CIMAP3: variants seen among roughly 807,000 people sequenced by gnomAD.
CIMAP3 encodes the protein ciliary microtubule associated protein 3.
the CIMAP3 span, chr1:111,348,739 A>T: frequency 8.1e-7 from 1 of 1,239,292 alleles, no homozygotes; most frequent in East Asian, 2.5e-5. Context: ...AAGGGATGAC[A>T]TCCAAACCAT....
At chr1:111,346,571 G>A in the CIMAP3 span, 2 of 1,601,306 alleles carry the variant, frequency 1.2e-6, no homozygotes, top group Non-Finnish European at 1.7e-6. Flanking sequence ...CCCCCTCCCC[G>A]CGCTCCGCAG....
chr1:111,347,794 G>A, the CIMAP3 span: 1 of 1,543,602 alleles, frequency 6.5e-7, no homozygotes, highest in Middle Eastern at 1.7e-4. Context: ...GGATTTTAGT[G>A]TTATCCACGT....
the CIMAP3 span, chr1:111,346,782 G>A: frequency 1.9e-6 from 3 of 1,562,650 alleles, no homozygotes; most frequent in South Asian, 3.3e-5. Flanking sequence ...CCAGGAGTTT[G>A]GCGTGGTTTT....
the CIMAP3 span, among the ~76,000 whole-genome samples, chr1:111,338,978 C>T: frequency 6.6e-6 from 1 of 152,276 alleles, no homozygotes; most frequent in Non-Finnish European, 1.5e-5. Flanking sequence ...AAACCAAATC[C>T]AGCAGCACAT....
At chr1:111,335,161 A>T in the CIMAP3 span, among the ~76,000 whole-genome samples, 29,208 of 126,828 alleles carry the variant, frequency 0.23, 4,046 homozygotes, top group South Asian at 0.33. Flanking sequence ...AAAGACAGAA[A>T]AAAAAAGAAA....
the CIMAP3 span, chr1:111,350,087 C>T: frequency 6.3e-7 from 1 of 1,581,932 alleles, no homozygotes; most frequent in South Asian, 1.1e-5. Flanking sequence ...AGACATGATG[C>T]TTGTATTTTT....
chr1:111,346,734 G>A, the CIMAP3 span: 2,586 of 1,589,158 alleles, frequency 1.6e-3, 31 homozygotes, highest in African/African-American at 0.028. Flanking sequence ...GGGGAAGCTG[G>A]GAAAGACGAA....
At chr1:111,338,105 A>C in the CIMAP3 span, among the ~76,000 whole-genome samples, 1 of 150,300 alleles carries the variant, frequency 6.7e-6, no homozygotes, top group Admixed American at 6.6e-5. Flanking sequence ...TACTGGGTAC[A>C]TAACGAAATG....
chr1:111,334,278 C>G, the CIMAP3 span, among the ~76,000 whole-genome samples: 1 of 152,042 alleles, frequency 6.6e-6, no homozygotes, highest in Admixed American at 6.5e-5. Flanking sequence ...GCCAAAATCT[C>G]AGAGAGAAAA....
At chr1:111,343,314 C>G in the CIMAP3 span, among the ~76,000 whole-genome samples, 1 of 151,960 alleles carries the variant, frequency 6.6e-6, no homozygotes, top group African/African-American at 2.4e-5. Flanking sequence ...TAAATTAGAC[C>G]ATTGCAACAG....
the CIMAP3 span, among the ~76,000 whole-genome samples, chr1:111,334,518 G>T: frequency 6.6e-6 from 1 of 152,134 alleles, no homozygotes; most frequent in East Asian, 1.9e-4. Flanking sequence ...AGCAGACAGG[G>T]AACCATCACC....
chr1:111,335,832 G>A, the CIMAP3 span, among the ~76,000 whole-genome samples: 2 of 152,266 alleles, frequency 1.3e-5, no homozygotes, highest in Non-Finnish European at 2.9e-5. Flanking sequence ...CTGTCTGACA[G>A]CTTTGAAGAG....
At chr1:111,338,882 C>G in the CIMAP3 span, among the ~76,000 whole-genome samples, 9 of 152,198 alleles carry the variant, frequency 5.9e-5, no homozygotes, top group African/African-American at 2.2e-4. Context: ...GATACCAAAG[C>G]CTGGCGGAGA....
At chr1:111,335,246 C>T in the CIMAP3 span, among the ~76,000 whole-genome samples, 22 of 152,042 alleles carry the variant, frequency 1.4e-4, no homozygotes, top group African/African-American at 4.8e-4. Context: ...GAAACAGCTC[C>T]GGTCTACAGC....
At chr1:111,327,527 G>A in the CIMAP3 span, among the ~76,000 whole-genome samples, 6 of 151,914 alleles carry the variant, frequency 3.9e-5, no homozygotes, top group Admixed American at 6.6e-5. Context: ...TACTGATTCA[G>A]TTTCAGAGCT....
At chr1:111,342,503 G>A in the CIMAP3 span, among the ~76,000 whole-genome samples, 1 of 152,132 alleles carries the variant, frequency 6.6e-6, no homozygotes, top group African/African-American at 2.4e-5. Flanking sequence ...GGCCAGCTAG[G>A]GGTTTGTGCC....
chr1:111,346,893 T>A, the CIMAP3 span: 3 of 1,612,324 alleles, frequency 1.9e-6, no homozygotes, highest in Non-Finnish European at 2.5e-6. Flanking sequence ...ACGTGGAGCC[T>A]CTCCTCTTTA....
At chr1:111,351,433 G>A in the CIMAP3 span, 1 of 1,004,326 alleles carries the variant, frequency 1.0e-6, no homozygotes, top group Non-Finnish European at 1.4e-6. Flanking sequence ...TTGTCTGGCA[G>A]CCTGGAGCCC....
chr1:111,351,825 A>G, the CIMAP3 span: 1 of 152,506 alleles, frequency 6.6e-6, no homozygotes, highest in Admixed American at 6.5e-5. Context: ...TGACTTTCCC[A>G]GATTGACATA....
Sources: allele counts gnomAD v4.1 joint callset (sites outside exome capture counted in the v4.1 genomes callset), GRCh38; gene constraint gnomAD v4.1.1; transcripts MANE v1.5; gene names NCBI Gene and HGNC (gene_info 2026-07-23, HGNC 2026-07-21).